IL22RA1: variants seen among roughly 807,000 people sequenced by gnomAD.
IL22RA1 encodes the protein interleukin-22 receptor subunit alpha-1.
Under a neutral mutation model 32.8 loss-of-function variants are expected in IL22RA1, and 25 were observed. That is an observed-to-expected ratio of 0.76 (90% CI 0.55 to 1.06). The LOEUF (loss-of-function observed/expected upper bound fraction) is 1.06, where lower values mean the gene tolerates loss of function less well. Among genes scored for constraint, IL22RA1 ranks in the 50% least tolerant of loss-of-function variants. The probability of loss-of-function intolerance (pLI) is 0.00; values close to 1 mark genes in which losing one functional copy is unlikely to be tolerated. For missense variants in IL22RA1, 709 were observed against 727.4 expected (o/e 0.97, Z 0.29); for synonymous variants, 305 against 305.0 (o/e 1.00, Z 0.00).
At chr1:24,135,564 C>T (rs766759058) in intron 3 of IL22RA1, among the ~76,000 whole-genome samples, 6 of 152,140 alleles carry the variant, frequency 3.9e-5, no homozygotes, top group Non-Finnish European at 8.8e-5. Flanking sequence ...TCTCACACTG[C>T]TAATAAAGAC....
chr1:24,142,238 G>A (rs1341685374), intron 1 of IL22RA1, among the ~76,000 whole-genome samples: 1 of 152,214 alleles, frequency 6.6e-6, no homozygotes, highest in Non-Finnish European at 1.5e-5. Flanking sequence ...CTGCCTTTTC[G>A]TGGGCCTCGT....
intron 4 of IL22RA1, among the ~76,000 whole-genome samples, chr1:24,128,619 A>C (rs574372627): frequency 6.6e-6 from 1 of 151,286 alleles, no homozygotes; most frequent in African/African-American, 2.4e-5. Context: ...CGCTCCCACT[A>C]TCCCTCCTTC....
At chr1:24,134,844 T>G in intron 3 of IL22RA1, 1 of 984,572 alleles carries the variant, frequency 1.0e-6, no homozygotes, top group Non-Finnish European at 1.2e-6. Context: ...AAGACTTCTG[T>G]CTCTCTCAAG....
intron 4 of IL22RA1, among the ~76,000 whole-genome samples, chr1:24,132,333 G>T (rs1276266975): frequency 4.4e-5 from 6 of 135,250 alleles, no homozygotes; most frequent in East Asian, 4.3e-4. Flanking sequence ...TTGTGTGTGT[G>T]TTTTTTTTTT....
At chr1:24,138,790 C>T in intron 1 of IL22RA1, 76 bp from the exon 2 acceptor site, 8 of 1,523,060 alleles carry the variant, frequency 5.3e-6, no homozygotes, top group Middle Eastern at 1.9e-4. Context: ...CAGTCAGAGT[C>T]CTGCCCCATA....
chr1:24,129,972 C>A (rs1644193801), intron 4 of IL22RA1, among the ~76,000 whole-genome samples: 1 of 152,176 alleles, frequency 6.6e-6, no homozygotes, highest in Admixed American at 6.5e-5. Flanking sequence ...TTGCAATAAT[C>A]TTTTGACTTG....
In IL22RA1 at chr1:24,138,676, C is replaced by T. The variant is rs757552731; in HGVS notation, c.82G>A (p.Val28Met). 38 of 1,614,032 alleles carry T rather than the reference C, an allele frequency of 2.4e-5. No homozygotes were observed. The South Asian group carries it at 3.0e-4, about 13-fold the overall frequency. Residue 28 changes from valine to methionine, a missense_variant, in exon 2 of 7, where the codon GTG becomes ATG. Transcript: ENST00000270800. The part of the protein sequence containing the change: ...PEDPSDLLQH[V>M]KFQSSNFENI... ...TCAAAGTTGCTGGACTGGAATTTCA[C>T]GTGCTGGAGCAGATCCGAGGGGTCC...
intron 1 of IL22RA1, among the ~76,000 whole-genome samples, chr1:24,141,601 G>A (rs980970660): frequency 6.6e-6 from 1 of 152,166 alleles, no homozygotes; most frequent in African/African-American, 2.4e-5. Context: ...TTCCTGAAGT[G>A]GGGTAAGTGA....
At chr1:24,121,776 G>A in intron 6 of IL22RA1, 39 bp from the exon 7 acceptor site, 1 of 1,428,118 alleles carries the variant, frequency 7.0e-7, no homozygotes, top group Non-Finnish European at 9.2e-7. Flanking sequence ...CTGTGGTTAG[G>A]GTAAGTCCCA....
At chr1:24,136,577 C>T (rs1409588844) in intron 3 of IL22RA1, among the ~76,000 whole-genome samples, 1 of 152,100 alleles carries the variant, frequency 6.6e-6, no homozygotes, top group African/African-American at 2.4e-5. Context: ...GAAGTGCCCC[C>T]AGAGAGTGGG....
At chr1:24,134,938 T>C in intron 3 of IL22RA1, 1 of 537,656 alleles carries the variant, frequency 1.9e-6, no homozygotes, top group Non-Finnish European at 2.4e-6. Context: ...GTCTTCTTCC[T>C]GCCAAAATGT....
At position 24,120,728 on chromosome 1, in the gene IL22RA1, G is replaced by T; in HGVS notation, c.*77C>A. Reference sequence around the variant, plus strand: ...CCAGATCGCAGAGTGTGTGGCGTGGGCAGGCATGGGATTGACAGCCAAGGA... The same window carrying T: ...CCAGATCGCAGAGTGTGTGGCGTGGTCAGGCATGGGATTGACAGCCAAGGA... On this transcript the variant is annotated 3_prime_UTR_variant, in exon 7 of 7. Transcript: ENST00000270800. The T allele has an allele frequency of 7.4e-7, 1 of 1,352,050 alleles. No individual in the cohort carries two copies. Among genetic ancestry groups the T allele is most frequent in the Non-Finnish European group, 1.0e-6 (1 of 981,482 alleles). The allele number at this position is 1,352,050 out of a possible 1,614,324, so 83.8% of individuals were successfully genotyped here.
chr1:24,120,723 C>T lies in IL22RA1; in HGVS notation c.*82G>A. 1 of 1,299,440 alleles carries T rather than the reference C, an allele frequency of 7.7e-7. No individual in the cohort carries two copies. Among genetic ancestry groups the T allele is most frequent in the Non-Finnish European group, 1.1e-6 (1 of 934,368 alleles). The allele number at this position is 1,299,440 out of a possible 1,614,324, so 80.5% of individuals were successfully genotyped here. On this transcript the variant is annotated 3_prime_UTR_variant, in exon 7 of 7. Coordinates refer to ENST00000270800, the MANE Select transcript of IL22RA1 (RefSeq NM_021258.4). ...TGAGGCCAGATCGCAGAGTGTGTGG[C>T]GTGGGCAGGCATGGGATTGACAGCC...
In IL22RA1 at chr1:24,120,630, G is replaced by A. The variant is rs3795301; in HGVS notation, c.*175C>T. The A allele has an allele frequency of 2.0e-3, 1,279 of 624,932 alleles. 26 individuals are homozygous for A. The East Asian group carries it at 0.034, about 17-fold the overall frequency. 38.7% of individuals were successfully genotyped at this position (624,932 alleles called of 1,614,324 possible). A position where few individuals can be genotyped will look rare whatever the true frequency, so the allele number is the denominator to read the frequency against. Reference sequence around the variant, plus strand: ...AGTCCTTATCATGCTGCTTTGCTCCGGTGAGGAGCGCACCCATGGCAGGGG... The same window carrying A: ...AGTCCTTATCATGCTGCTTTGCTCCAGTGAGGAGCGCACCCATGGCAGGGG... On this transcript the variant is annotated 3_prime_UTR_variant, in exon 7 of 7. Transcript: ENST00000270800.
intron 4 of IL22RA1, among the ~76,000 whole-genome samples, chr1:24,130,967 A>G (rs943478939): frequency 6.6e-6 from 1 of 152,222 alleles, no homozygotes; most frequent in Non-Finnish European, 1.5e-5. Context: ...GGCCTCCCAA[A>G]GTGCTGGGAT....
In IL22RA1 at chr1:24,128,147, G is replaced by A. The variant is rs1014585360; in HGVS notation, c.664C>T (p.Leu222=). 6.5e-7 allele frequency: 1 copy of A among 1,534,826 alleles called. No homozygotes were observed. Among genetic ancestry groups the A allele is most frequent in the South Asian group, 1.3e-5 (1 of 79,586 alleles). The part of the protein sequence containing the change: ...SAPYMCRVKT[L]PDRTWTYSFS... Reference sequence around the variant, plus strand: ...TGGTTTCAGCCGAACTCACCTGGCAGTGTCTTCACTCGGCACATGTAGGGG... The same window carrying A: ...TGGTTTCAGCCGAACTCACCTGGCAATGTCTTCACTCGGCACATGTAGGGG... The change falls in exon 5 of 7, where the codon CTG becomes TTG. Residue 222 remains leucine, a synonymous_variant. Coordinates refer to ENST00000270800, the MANE Select transcript of IL22RA1 (RefSeq NM_021258.4).
At position 24,123,184 on chromosome 1, in the gene IL22RA1, G is replaced by C. The variant is rs772368129; in HGVS notation, c.792+118C>G. On this transcript the variant is annotated intron_variant, in intron 6 of 6. Coordinates refer to ENST00000270800, the MANE Select transcript of IL22RA1 (RefSeq NM_021258.4). ...TGGGACTGTGAGCTCCGTGAATGGAGAGAGCAGGCCCATCTCCTGCTTTGT... is the reference window on the plus strand; with the variant it reads ...TGGGACTGTGAGCTCCGTGAATGGACAGAGCAGGCCCATCTCCTGCTTTGT... 5.3e-5 allele frequency: 74 copies of C among 1,386,222 alleles called. 1 individual carries two copies. Among genetic ancestry groups the C allele is most frequent in the South Asian group, 1.5e-4 (10 of 66,630 alleles). The allele number at this position is 1,386,222 out of a possible 1,614,324, so 85.9% of individuals were successfully genotyped here.
intron 4 of IL22RA1, 107 bp from the exon 5 acceptor site, chr1:24,128,386 G>A (rs1481052624): frequency 7.5e-7 from 1 of 1,331,000 alleles, no homozygotes; most frequent in African/African-American, 1.4e-5. Context: ...ATGCTGATGG[G>A]TCTGTCTTCA....
rs1644106954 is a variant in IL22RA1 at position 24,119,808 on chromosome 1, G to A, written c.*997C>T. 1 of 152,088 alleles carries A rather than the reference G, an allele frequency of 6.6e-6. No homozygotes were observed. The highest frequency in any genetic ancestry group is 1.5e-5 in the Non-Finnish European group (1 of 68,042). The allele number at this position is 152,088 out of a possible 1,614,324, so 9.4% of individuals were successfully genotyped here. A position where few individuals can be genotyped will look rare whatever the true frequency, so the allele number is the denominator to read the frequency against. Reference sequence around the variant, plus strand: ...TTTATTGGGCACTGCCCATGTACCAGGCACTATTAAGCACTTTAAAGACAT... The same window carrying A: ...TTTATTGGGCACTGCCCATGTACCAAGCACTATTAAGCACTTTAAAGACAT... On this transcript the variant is annotated 3_prime_UTR_variant, in exon 7 of 7. Coordinates refer to ENST00000270800, the MANE Select transcript of IL22RA1 (RefSeq NM_021258.4).
Sources: allele counts gnomAD v4.1 joint callset (sites outside exome capture counted in the v4.1 genomes callset), GRCh38; gene constraint gnomAD v4.1.1; transcripts MANE v1.5; gene names NCBI Gene and HGNC (gene_info 2026-07-23, HGNC 2026-07-21).